Variants in ABR observed in about 807,000 individuals in gnomAD.
ABR encodes the protein active breakpoint cluster region-related protein.
In ABR, 35 loss-of-function variants were observed where a neutral mutation model predicts 107.2. The observed-to-expected ratio is 0.33, with a 90% CI of 0.25 to 0.43. The LOEUF is 0.43. Ranked by LOEUF, ABR falls within the 20% of genes least tolerant of loss-of-function variation. The pLI, the probability that ABR is intolerant of heterozygous loss-of-function variation, is 1.00. For synonymous variants in ABR, 498 were observed against 462.0 expected, an observed-to-expected ratio of 1.08 and a Z score of -1.00; for missense variants, 815 against 1,115.2, an observed-to-expected ratio of 0.73 and a Z score of 3.83.
Position 1,011,526 on chromosome 17 carries a change from C to T in ABR, c.2101+320G>A, listed in dbSNP as rs763494566. 44 of 206,730 alleles carry T rather than the reference C, an allele frequency of 2.1e-4. No individual in the cohort carries two copies. The highest frequency in any genetic ancestry group is 1.7e-4 in the Non-Finnish European group (17 of 103,012). 12.8% of individuals were successfully genotyped at this position (206,730 alleles called of 1,614,324 possible). A position where few individuals can be genotyped will look rare whatever the true frequency, so the allele number is the denominator to read the frequency against. ...GTGCAGGCTCAAAGCTCTTTCCCTG[C>T]GGCTCACCAGGCACCCAGGAACTAG... On this transcript the variant is annotated intron_variant, in intron 19 of 22. Coordinates refer to ENST00000302538, the MANE Select transcript of ABR (RefSeq NM_021962.5). The surrounding 1 kb of genome is among the most constrained non-coding windows in gnomAD (Gnocchi z 4.8).
At position 1,109,009 on chromosome 17, in the gene ABR, C is replaced by G. The variant is rs138741182; in HGVS notation, c.247-8274G>C. The G allele has an allele frequency of 1.9e-6, 3 of 1,598,316 alleles. No homozygotes were observed. In the East Asian group the frequency reaches 7.0e-5, roughly 38 times the overall value. On this transcript the variant is annotated intron_variant, in intron 2 of 22. Transcript: ENST00000302538. ...CCAGCTCGCACTCCTCCAGGAGAAACACATCTTCGTCCTCCAGAACCTTGT... is the reference window on the plus strand; with the variant it reads ...CCAGCTCGCACTCCTCCAGGAGAAAGACATCTTCGTCCTCCAGAACCTTGT...
At position 1,011,869 on chromosome 17, in the gene ABR, G is replaced by T; in HGVS notation, c.2078C>A (p.Ala693Glu). ...ACTGGCATCGAAGACGGCCTTGAGC[G>T]CCTGGATGTCCGTGGCCACGCCCGA... ...RISGVATDIQ[A>E]LKAVFDANNK... is the part of the protein sequence containing the mutation. The change falls in exon 19 of 23, where the codon GCG becomes GAG. Residue 693 changes from alanine to glutamate, a missense_variant. By Grantham distance (107) the Ala-to-Glu change is moderately radical. This residue lies in a region of ABR where 175 missense variants were observed against 284.3 expected (regional missense o/e 0.62). Transcript: ENST00000302538. The surrounding 1 kb of genome is among the most constrained non-coding windows in gnomAD (Gnocchi z 4.8). 6.3e-7 allele frequency: 1 copy of T among 1,593,608 alleles called. No individual in the cohort carries two copies. Among genetic ancestry groups the T allele is most frequent in the Non-Finnish European group, 8.6e-7 (1 of 1,165,350 alleles).
intron 1 of ABR, among the ~76,000 whole-genome samples, chr17:1,178,805 G>A (rs1470931164): frequency 1.3e-5 from 2 of 151,704 alleles, no homozygotes; most frequent in African/African-American, 2.4e-5. Context: ...AGGGAAGGGT[G>A]GGGAGAAGGG....
chr17:1,016,153 G>A (rs2071137463), intron 16 of ABR, among the ~76,000 whole-genome samples: 1 of 152,058 alleles, frequency 6.6e-6, no homozygotes, highest in East Asian at 1.9e-4. Flanking sequence ...GCCTTAAATC[G>A]CATATATACC....
chr17:1,212,444 A>C (rs971768328), intron 1 of ABR, among the ~76,000 whole-genome samples: 3 of 151,812 alleles, frequency 2.0e-5, no homozygotes, highest in African/African-American at 4.8e-5. Context: ...AGAGAAAAAA[A>C]AACAACAACA....
At chr17:1,193,267 A>ACCCCCCCCCCCC (rs1369346504) in intron 1 of ABR, among the ~76,000 whole-genome samples, 1 of 135,896 alleles carries the variant, frequency 7.4e-6, no homozygotes, top group Non-Finnish European at 1.7e-5. Context: ...TTTCTGGGAC[A>ACCCCCCCCCCCC]CCCCCTCCCC....
chr17:1,097,255 T>C (rs115236566), intron 3 of ABR, among the ~76,000 whole-genome samples: 58 of 152,176 alleles, frequency 3.8e-4, no homozygotes, highest in African/African-American at 1.2e-3. Flanking sequence ...CTCCCAGCAA[T>C]AGAGAAATTA....
chr17:1,156,163 G>T (rs926104514), intron 1 of ABR: 3 of 152,134 alleles, frequency 2.0e-5, no homozygotes, highest in African/African-American at 7.2e-5. Flanking sequence ...TACACCAGAG[G>T]GCAGACGGGT....
intron 6 of ABR, among the ~76,000 whole-genome samples, chr17:1,075,529 C>G (rs1310938579): frequency 6.6e-6 from 1 of 152,230 alleles, no homozygotes; most frequent in Non-Finnish European, 1.5e-5. Flanking sequence ...CCAGCCTTAC[C>G]CGCAGTCCGA....
intron 2 of ABR, among the ~76,000 whole-genome samples, chr17:1,105,533 G>A (rs1567765557): frequency 6.6e-6 from 1 of 152,166 alleles, no homozygotes; most frequent in Non-Finnish European, 1.5e-5. Flanking sequence ...AGAGACCTGG[G>A]CAGGTGAAAC....
intron 20 of ABR, 170 bp from the exon 21 acceptor site, chr17:1,009,954 T>C: frequency 1.6e-6 from 1 of 617,960 alleles, no homozygotes; most frequent in Non-Finnish European, 2.9e-6. Flanking sequence ...CAGCAGCTGC[T>C]TCCTCCAGGA....
At chr17:1,082,519 T>C (rs529861640) in intron 5 of ABR, among the ~76,000 whole-genome samples, 7 of 144,912 alleles carry the variant, frequency 4.8e-5, no homozygotes, top group East Asian at 2.1e-4. Flanking sequence ...CGCGTGTTCC[T>C]GGCCAGGAAG....
chr17:1,069,688 A>G (rs1039826282), intron 9 of ABR, among the ~76,000 whole-genome samples: 4 of 152,034 alleles, frequency 2.6e-5, no homozygotes, highest in Non-Finnish European at 4.4e-5. Context: ...AAAAAAACCA[A>G]CAAAGTTGCT....
intron 1 of ABR, among the ~76,000 whole-genome samples, chr17:1,199,780 G>GT (rs557075388): frequency 7.2e-4 from 107 of 148,658 alleles, no homozygotes; most frequent in Middle Eastern, 3.5e-3. Flanking sequence ...AGTTTATTCA[G>GT]TTTTTTTTTT....
intron 1 of ABR, among the ~76,000 whole-genome samples, chr17:1,216,136 A>G (rs1344011480): frequency 4.6e-5 from 7 of 151,762 alleles, no homozygotes; most frequent in Non-Finnish European, 7.4e-5. Flanking sequence ...ACCCTGCCAA[A>G]TCCCCCTCTC....
intron 1 of ABR, among the ~76,000 whole-genome samples, chr17:1,142,637 G>A (rs189521848): frequency 2.6e-5 from 4 of 151,962 alleles, no homozygotes; most frequent in Non-Finnish European, 2.9e-5. Flanking sequence ...TCAGCCAGGC[G>A]CGTGATCAAT....
chr17:1,120,077 G>A (rs867744355), intron 2 of ABR, among the ~76,000 whole-genome samples: 6 of 151,820 alleles, frequency 4.0e-5, no homozygotes, highest in South Asian at 4.2e-4. Context: ...GGCAAATTAC[G>A]TCACCTCTCC....
chr17:1,100,878 A>C, intron 2 of ABR, 143 bp from the exon 3 acceptor site: 1 of 747,186 alleles, frequency 1.3e-6, no homozygotes, highest in East Asian at 2.6e-5. Context: ...GGCTGAAGTA[A>C]AGTGGCACAA....
chr17:1,050,012 G>A lies in ABR; in HGVS notation c.1791+38C>T, dbSNP rs1371572156. ...CCTTTTCAACTGGAACCACCTCCTG[G>A]AGGCTCCCTCAGCCTCGCCCCGGCG... On this transcript the variant is annotated intron_variant, in intron 16 of 22. Transcript: ENST00000302538. This position sits in a 1 kb window ranked among gnomAD's most constrained non-coding sequence, Gnocchi z 4.6. 10 of 1,592,982 alleles carry A rather than the reference G, an allele frequency of 6.3e-6. No homozygotes were observed. Among genetic ancestry groups the A allele is most frequent in the African/African-American group, 1.4e-5 (1 of 73,892 alleles).
Sources: gnomAD v4.1 joint callset for allele counts (sites outside exome capture counted in the v4.1 genomes callset) on GRCh38, gnomAD v4.1.1 for gene constraint, gnomAD v4.1.1 regional missense constraint, Gnocchi (gnomAD v3.1) non-coding constraint, MANE v1.5 for transcripts, NCBI Gene and HGNC (gene_info 2026-07-23, HGNC 2026-07-21) for gene names.